Variants in CMSS1 observed in about 807,000 individuals in gnomAD.
CMSS1 encodes the protein cms1 ribosomal small subunit homolog, also known as protein CMSS1.
Under a neutral mutation model 43.5 loss-of-function variants are expected in CMSS1, and 33 were observed. That is an observed-to-expected ratio of 0.76 (90% confidence interval 0.57 to 1.01). CMSS1 has a LOEUF of 1.01. Ranked by LOEUF, CMSS1 falls within the 50% of genes least tolerant of loss-of-function variation. The pLI is 0.00. For missense variants in CMSS1, 313 were observed against 326.4 expected (o/e 0.96, Z 0.32); for synonymous variants, 115 against 117.2 (o/e 0.98, Z 0.12).
chr3:100,035,461 C>T (rs13093838), intron 1 of CMSS1, among the ~76,000 whole-genome samples: 24,416 of 152,070 alleles, frequency 0.16, 2,331 homozygotes, highest in South Asian at 0.21. Flanking sequence ...TTAGTAGAGA[C>T]AGGGTTTCAC....
intron 1 of CMSS1, chr3:99,850,624 A>G: frequency 6.2e-7 from 1 of 1,613,832 alleles, no homozygotes. Flanking sequence ...TATATCTTGC[A>G]GCTCCTCTTC....
At chr3:100,075,261 G>A (rs1292893253) in intron 1 of CMSS1, among the ~76,000 whole-genome samples, 1 of 152,116 alleles carries the variant, frequency 6.6e-6, no homozygotes, top group Non-Finnish European at 1.5e-5. Context: ...TCAAATAATG[G>A]ACTTCTAATG....
chr3:99,912,384 G>GT (rs1329765570), intron 1 of CMSS1, among the ~76,000 whole-genome samples: 1 of 152,036 alleles, frequency 6.6e-6, no homozygotes, highest in Non-Finnish European at 1.5e-5. Context: ...TCTTTTTTCT[G>GT]TTTTTCTTTT....
intron 1 of CMSS1, among the ~76,000 whole-genome samples, chr3:100,085,590 T>G (rs1352132221): frequency 6.6e-6 from 1 of 152,184 alleles, no homozygotes; most frequent in East Asian, 1.9e-4. Flanking sequence ...CATCTCAGCA[T>G]AGCTCTAAGA....
chr3:100,116,287 TCTC>T (rs777004786), intron 1 of CMSS1, among the ~76,000 whole-genome samples: 1 of 152,200 alleles, frequency 6.6e-6, no homozygotes, highest in African/African-American at 2.4e-5. Context: ...AGCATTCCCT[TCTC>T]CTCACTTATT....
At chr3:100,058,447 A>G (rs1191056713) in intron 1 of CMSS1, among the ~76,000 whole-genome samples, 3 of 152,346 alleles carry the variant, frequency 2.0e-5, no homozygotes, top group Non-Finnish European at 4.4e-5. Flanking sequence ...TAAGTGAGGC[A>G]CAAGTCTGTT....
chr3:100,136,487 G>A (rs1188041214), intron 1 of CMSS1, among the ~76,000 whole-genome samples: 1 of 152,198 alleles, frequency 6.6e-6, no homozygotes. Context: ...CAGTGGGCAT[G>A]TCAAGCCTGT....
chr3:100,071,810 G>A (rs996102796), intron 1 of CMSS1, among the ~76,000 whole-genome samples: 83 of 152,170 alleles, frequency 5.5e-4, no homozygotes, highest in African/African-American at 2.0e-3. Context: ...CCCTTTTCCT[G>A]TCAGCTCTCA....
Position 100,050,364 on chromosome 3 carries a change from T to C in CMSS1, c.65-96609T>C, listed in dbSNP as rs993672687. Among the ~76,000 whole-genome samples the C allele has an allele frequency of 3.3e-5, 5 of 152,332 alleles. No individual in the cohort carries two copies. The East Asian group carries it at 9.6e-4, about 29-fold the overall frequency. ...GAAAGCCATATCTTTTTTAGATTTATGTGAAATGCTCAGTATGAAAATTTT... is the reference window on the plus strand; with the variant it reads ...GAAAGCCATATCTTTTTTAGATTTACGTGAAATGCTCAGTATGAAAATTTT... On this transcript the variant is annotated intron_variant, in intron 1 of 9. Transcript: ENST00000421999.
chr3:100,172,161 G>T, intron 7 of CMSS1, 155 bp from the exon 8 acceptor site: 1 of 672,468 alleles, frequency 1.5e-6, no homozygotes, highest in Non-Finnish European at 2.5e-6. Context: ...GTTTTCTAGG[G>T]ATATGCTCAT....
chr3:99,933,267 C>T (rs1238973327), intron 1 of CMSS1, among the ~76,000 whole-genome samples: 2 of 152,116 alleles, frequency 1.3e-5, no homozygotes, highest in East Asian at 3.8e-4. Flanking sequence ...ACTGAAGAGA[C>T]TATTTACAAA....
chr3:100,159,588 A>T (rs1455898227), intron 2 of CMSS1, among the ~76,000 whole-genome samples: 1 of 152,220 alleles, frequency 6.6e-6, no homozygotes, highest in Non-Finnish European at 1.5e-5. Flanking sequence ...TACATTTTAT[A>T]TCTTACTTGG....
chr3:100,150,417 G>A (rs921731443), intron 2 of CMSS1, among the ~76,000 whole-genome samples: 1 of 152,112 alleles, frequency 6.6e-6, no homozygotes, highest in Non-Finnish European at 1.5e-5. Context: ...TATTCCTTCA[G>A]TTTTTCTTTA....
intron 1 of CMSS1, among the ~76,000 whole-genome samples, chr3:100,061,002 G>A (rs774078911): frequency 2.0e-5 from 3 of 152,336 alleles, no homozygotes; most frequent in Non-Finnish European, 4.4e-5. Context: ...TTGCAGCATA[G>A]CAATAGCCAC....
At chr3:99,887,643 T>TTAGAAAA (rs796741816) in intron 1 of CMSS1, among the ~76,000 whole-genome samples, 144 of 152,356 alleles carry the variant, frequency 9.5e-4, no homozygotes, top group African/African-American at 3.3e-3. Context: ...CATGGCATTG[T>TTAGAAAA]TAGAAAATTC....
At position 100,181,638 on chromosome 3, in the gene CMSS1, A is replaced by G. The variant is rs1185893779; in HGVS notation, c.*3250A>G. ...TTTCATGACCTTCACACTTTTGAAC[A>G]GTATCCATCGTGTATTTTGTAGAAT... is the stretch of plus-strand genomic sequence containing the variant. On this transcript the variant is annotated 3_prime_UTR_variant, in exon 10 of 10. Coordinates refer to ENST00000421999, the MANE Select transcript of CMSS1 (RefSeq NM_032359.4). 2 of 152,218 alleles carry G rather than the reference A, an allele frequency of 1.3e-5. No homozygotes were observed. The highest frequency in any genetic ancestry group is 2.9e-5 in the Non-Finnish European group (2 of 68,044). The allele number at this position is 152,218 out of a possible 1,614,324, so 9.4% of individuals were successfully genotyped here. A position where few individuals can be genotyped will look rare whatever the true frequency, so the allele number is the denominator to read the frequency against.
chr3:100,012,758 A>G (rs1382893502), intron 1 of CMSS1, among the ~76,000 whole-genome samples: 3 of 129,724 alleles, frequency 2.3e-5, no homozygotes, highest in African/African-American at 8.4e-5. Flanking sequence ...CAGGAAGCAT[A>G]TTCTTTTTTT....
rs372913964 is a variant in CMSS1 at position 100,004,056 on chromosome 3, G to A, written c.65-142917G>A. Among the ~76,000 whole-genome samples, 7 of 152,252 alleles carry A rather than the reference G, an allele frequency of 4.6e-5. No homozygotes were observed. The East Asian group carries it at 7.7e-4, about 17-fold the overall frequency. On this transcript the variant is annotated intron_variant, in intron 1 of 9. Coordinates refer to ENST00000421999, the MANE Select transcript of CMSS1 (RefSeq NM_032359.4). ...GGTAAGCATCTTGCCTTACTCAGAT[G>A]GTTACCAAAACTGGAGGCAAAATCC...
At chr3:100,057,661 A>G (rs1410354649) in intron 1 of CMSS1, among the ~76,000 whole-genome samples, 1 of 152,160 alleles carries the variant, frequency 6.6e-6, no homozygotes, top group African/African-American at 2.4e-5. Context: ...CAGGCCCCAT[A>G]TGGGACAGTT....
Sources: allele counts gnomAD v4.1 joint callset (sites outside exome capture counted in the v4.1 genomes callset), GRCh38; gene constraint gnomAD v4.1.1; transcripts MANE v1.5; gene names NCBI Gene and HGNC (gene_info 2026-07-23, HGNC 2026-07-21).